Variants in CAPN13 observed in about 807,000 individuals in gnomAD.
CAPN13 encodes calpain 13.
In CAPN13, 90 loss-of-function variants were observed where a neutral mutation model predicts 98.4. The ratio of observed to expected loss-of-function variants is 0.92; its 90% CI spans 0.77 to 1.09. CAPN13 has a LOEUF of 1.09. CAPN13 is among the 50% of genes least tolerant of loss of function. The probability of loss-of-function intolerance (pLI) is 0.00; values close to 1 mark genes in which losing one functional copy is unlikely to be tolerated. For synonymous variants in CAPN13, 330 were observed against 305.5 expected (o/e 1.08, Z -0.84); for missense variants, 887 against 841.3 (o/e 1.05, Z -0.67).
At chr2:30,756,670 A>C (rs1485710586) in intron 8 of CAPN13, among the ~76,000 whole-genome samples, 1 of 152,174 alleles carries the variant, frequency 6.6e-6, no homozygotes, top group Non-Finnish European at 1.5e-5. Flanking sequence ...ACTTGGAGTA[A>C]TGACTGGGAA....
At chr2:30,785,098 C>G (rs1286604723) in intron 2 of CAPN13, among the ~76,000 whole-genome samples, 1 of 152,228 alleles carries the variant, frequency 6.6e-6, no homozygotes, top group Non-Finnish European at 1.5e-5. Context: ...TTGAAACATG[C>G]ATCAGGCACA....
intron 17 of CAPN13, among the ~76,000 whole-genome samples, chr2:30,736,886 T>C (rs534144573): frequency 1.3e-5 from 2 of 152,186 alleles, no homozygotes; most frequent in East Asian, 3.9e-4. Flanking sequence ...GCTCCAGAAG[T>C]TGGGGAGGAG....
chr2:30,743,820 G>A (rs996862441), intron 12 of CAPN13: 9 of 639,474 alleles, frequency 1.4e-5, no homozygotes, highest in South Asian at 4.7e-5. Flanking sequence ...TCATCTCATT[G>A]GGTCTAACAG....
At chr2:30,770,185 G>A (rs1459496367) in intron 5 of CAPN13, 128 bp downstream of exon 5, 4 of 1,274,144 alleles carry the variant, frequency 3.1e-6, no homozygotes, top group African/African-American at 1.5e-5. Context: ...TTTGCACGTG[G>A]TGATTGTTTA....
intron 3 of CAPN13, among the ~76,000 whole-genome samples, chr2:30,776,925 G>A (rs898765973): frequency 2.6e-5 from 4 of 152,190 alleles, no homozygotes; most frequent in African/African-American, 2.4e-5. Context: ...TCCAAGGCAC[G>A]GTGATTTCAC....
intron 2 of CAPN13, among the ~76,000 whole-genome samples, chr2:30,778,922 G>A (rs1278647398): frequency 6.6e-6 from 1 of 152,222 alleles, no homozygotes; most frequent in Non-Finnish European, 1.5e-5. Flanking sequence ...AAGAAAGAGG[G>A]AAGGACATCC....
intron 22 of CAPN13, among the ~76,000 whole-genome samples, chr2:30,725,615 G>A (rs1670832329): frequency 6.6e-6 from 1 of 152,170 alleles, no homozygotes; most frequent in Non-Finnish European, 1.5e-5. Flanking sequence ...CAAAGACTTT[G>A]CTCGCTCCAG....
At chr2:30,727,039 CTTATA>C (rs1471608709) in intron 22 of CAPN13, among the ~76,000 whole-genome samples, 1 of 152,150 alleles carries the variant, frequency 6.6e-6, no homozygotes, top group African/African-American at 2.4e-5. Flanking sequence ...TAAATACATT[CTTATA>C]TTAAATTGAT....
chr2:30,732,131 C>T (rs1204468187), intron 20 of CAPN13, among the ~76,000 whole-genome samples: 1 of 152,200 alleles, frequency 6.6e-6, no homozygotes, highest in Non-Finnish European at 1.5e-5. Context: ...CATTACATAA[C>T]TGAAGAGCAG....
chr2:30,784,626 A>T (rs1255876885), intron 2 of CAPN13, among the ~76,000 whole-genome samples: 12 of 152,208 alleles, frequency 7.9e-5, no homozygotes, highest in Non-Finnish European at 5.9e-5. Flanking sequence ...GACAGGCAGG[A>T]GCCCAGAATA....
intron 8 of CAPN13, among the ~76,000 whole-genome samples, chr2:30,755,432 G>A (rs1011798660): frequency 3.9e-5 from 6 of 152,130 alleles, no homozygotes; most frequent in Admixed American, 6.5e-5. Flanking sequence ...TATTAGGTGG[G>A]TGCAAAAGTA....
intron 1 of CAPN13, among the ~76,000 whole-genome samples, chr2:30,788,011 A>G (rs1674402702): frequency 6.6e-6 from 1 of 152,172 alleles, no homozygotes; most frequent in African/African-American, 2.4e-5. Context: ...AGACAGTGGT[A>G]GAGCATCAGA....
chr2:30,723,731 A>G (rs1670768032), intron 22 of CAPN13, among the ~76,000 whole-genome samples: 1 of 152,156 alleles, frequency 6.6e-6, no homozygotes, highest in African/African-American at 2.4e-5. Flanking sequence ...ACATTCGTGC[A>G]TAGTCATGTT....
intron 5 of CAPN13, among the ~76,000 whole-genome samples, chr2:30,768,461 C>T (rs892930774): frequency 9.2e-5 from 14 of 152,062 alleles, no homozygotes; most frequent in Admixed American, 7.9e-4. Context: ...CAGAGAGGAG[C>T]AGAGCAGAGC....
chr2:30,792,902 G>T (rs1674674684), intron 1 of CAPN13, among the ~76,000 whole-genome samples: 1 of 151,834 alleles, frequency 6.6e-6, no homozygotes, highest in South Asian at 2.1e-4. Flanking sequence ...AGGAATGTTA[G>T]GTTGATTTAT....
At position 30,735,378 on chromosome 2, in the gene CAPN13, C is replaced by G. The variant is rs548385072; in HGVS notation, c.1723-854G>C. On this transcript the variant is annotated intron_variant, in intron 18 of 22. Transcript: ENST00000295055. ...AAAGTACCCACACACAGGCATGTGA[C>G]TGAGGCCAACCATGGGAGACAACTG... 2.0e-5 allele frequency among the ~76,000 whole-genome samples: 3 copies of G among 152,354 alleles called. No individual in the cohort carries two copies. In the South Asian group the frequency reaches 6.2e-4, roughly 32 times the overall value.
intron 2 of CAPN13, among the ~76,000 whole-genome samples, chr2:30,781,389 T>C (rs1673976649): frequency 6.6e-6 from 1 of 152,170 alleles, no homozygotes; most frequent in Admixed American, 6.5e-5. Context: ...TTATATACCA[T>C]CCTAACTGCA....
intron 1 of CAPN13, among the ~76,000 whole-genome samples, chr2:30,804,316 T>A (rs1274562722): frequency 6.6e-6 from 1 of 152,194 alleles, no homozygotes; most frequent in Non-Finnish European, 1.5e-5. Flanking sequence ...TTCCCCTGCC[T>A]CAGCCTCCCA....
At chr2:30,771,502 A>G (rs960918038) in intron 4 of CAPN13, among the ~76,000 whole-genome samples, 3 of 152,230 alleles carry the variant, frequency 2.0e-5, no homozygotes, top group South Asian at 2.1e-4. Context: ...GAGCCAGTGC[A>G]CTGTGGCAGG....
Sources: gnomAD v4.1 joint callset for allele counts (sites outside exome capture counted in the v4.1 genomes callset) on GRCh38, gnomAD v4.1.1 for gene constraint, MANE v1.5 for transcripts, NCBI Gene and HGNC (gene_info 2026-07-23, HGNC 2026-07-21) for gene names.